The following TENT4A variants were observed in gnomAD, a reference collection of about 807,000 sequenced individuals.
TENT4A encodes terminal nucleotidyltransferase 4A.
TENT4A carries 7 observed loss-of-function variants against 72.8 expected under a neutral mutation model. That is an observed-to-expected ratio of 0.10 (90% confidence interval 0.05 to 0.18). The LOEUF (loss-of-function observed/expected upper bound fraction) is 0.18. Among genes scored for constraint, TENT4A ranks in the 10% least tolerant of loss-of-function variants. TENT4A has a pLI of 1.00. For synonymous variants in TENT4A, 456 were observed against 434.3 expected, an observed-to-expected ratio of 1.05 and a Z score of -0.62; for missense variants, 831 against 1,017.7, an observed-to-expected ratio of 0.82 and a Z score of 2.50.
At chr5:6,732,735 T>TA (rs966040365) in intron 1 of TENT4A, among the ~76,000 whole-genome samples, 19 of 152,090 alleles carry the variant, frequency 1.2e-4, no homozygotes, top group Admixed American at 3.3e-4. Context: ...AAAAATTCAC[T>TA]AAAAAAAACC....
At chr5:6,741,787 C>G (rs1561039479) in intron 4 of TENT4A, among the ~76,000 whole-genome samples, 1 of 152,198 alleles carries the variant, frequency 6.6e-6, no homozygotes, top group African/African-American at 2.4e-5. Flanking sequence ...TCGTTAGACA[C>G]TGATTGTTTT....
At chr5:6,719,358 G>A (rs1209471946) in intron 1 of TENT4A, among the ~76,000 whole-genome samples, 1 of 151,870 alleles carries the variant, frequency 6.6e-6, no homozygotes, top group Non-Finnish European at 1.5e-5. Context: ...TGGAGTAAAG[G>A]TTAAGAAAAA....
At chr5:6,750,550 T>G (rs760495827) in intron 10 of TENT4A, 47 bp downstream of exon 10, 1 of 1,476,900 alleles carries the variant, frequency 6.8e-7, no homozygotes, top group Non-Finnish European at 9.1e-7. Flanking sequence ...AGTTTGTGTC[T>G]CTGGTAAATG....
At position 6,749,511 on chromosome 5, in the gene TENT4A, T is replaced by C. The variant is rs778583739; in HGVS notation, c.1587-46T>C. 4 of 1,295,472 alleles carry C rather than the reference T, an allele frequency of 3.1e-6. No individual in the cohort carries two copies. In the South Asian group the frequency reaches 4.8e-5, roughly 15 times the overall value. 80.2% of individuals were successfully genotyped at this position (1,295,472 alleles called of 1,614,324 possible). On this transcript the variant is annotated intron_variant, in intron 8 of 12. Transcript: ENST00000230859. Reference sequence around the variant, plus strand: ...TGTTCGAGAGGGGTTCTCAGCTCCCTGACACCTGTTGTACTCTGTTGATCT... The same window carrying C: ...TGTTCGAGAGGGGTTCTCAGCTCCCCGACACCTGTTGTACTCTGTTGATCT...
chr5:6,716,928 C>A (rs1740415693), intron 1 of TENT4A, among the ~76,000 whole-genome samples: 1 of 152,230 alleles, frequency 6.6e-6, no homozygotes. Context: ...GCATCCGCTT[C>A]CTGCCGTCTC....
chr5:6,748,435 G>GTGCAAAA, intron 7 of TENT4A, 29 bp from the exon 8 acceptor site: 2 of 1,612,276 alleles, frequency 1.2e-6, no homozygotes, highest in Non-Finnish European at 1.7e-6. Context: ...TGCATGTGGG[G>GTGCAAAA]AGGGTCTGAC....
Position 6,713,505 on chromosome 5 carries a change from A to T in TENT4A, c.-479A>T, listed in dbSNP as rs1201599245. 1 of 141,654 alleles carries T rather than the reference A, an allele frequency of 7.1e-6. No individual in the cohort carries two copies. Among genetic ancestry groups the T allele is most frequent in the Non-Finnish European group, 1.5e-5 (1 of 65,184 alleles). The allele number at this position is 141,654 out of a possible 1,614,324, so 8.8% of individuals were successfully genotyped here. ...GCCGCCGCCGCAGGAGCGCCGAGCC[A>T]GCGGCGCGAGCGTGACTGAGGGCTA... is the stretch of plus-strand genomic sequence containing the variant. On this transcript the variant is annotated 5_prime_UTR_variant, in exon 1 of 13. Transcript: ENST00000230859.
intron 12 of TENT4A, 136 bp downstream of exon 12, chr5:6,753,173 G>A: frequency 1.2e-6 from 1 of 839,772 alleles, no homozygotes; most frequent in African/African-American, 1.7e-5. Context: ...CATTCAGCCT[G>A]TTTGCTTGTC....
In TENT4A at chr5:6,748,453, T is replaced by A. The variant is rs1444980880; in HGVS notation, c.1460-11T>A. The stretch of plus-strand genomic sequence containing the variant: ...ATGTGGGGAGGGTCTGACATAGCCT[T>A]TTTGCTGCAGGGAATGACGTTGGCC... On this transcript the variant is annotated splice_polypyrimidine_tract_variant and intron_variant, in intron 7 of 12. Coordinates refer to ENST00000230859, the MANE Select transcript of TENT4A (RefSeq NM_006999.6). 1.9e-6 allele frequency: 3 copies of A among 1,613,860 alleles called. No homozygotes were observed. Among genetic ancestry groups the A allele is most frequent in the Non-Finnish European group, 1.7e-6 (2 of 1,179,810 alleles).
At chr5:6,732,414 C>T (rs986525862) in intron 1 of TENT4A, among the ~76,000 whole-genome samples, 2 of 152,174 alleles carry the variant, frequency 1.3e-5, no homozygotes, top group African/African-American at 4.8e-5. Context: ...ACTGTAGGAT[C>T]CTTCTTTTGC....
chr5:6,724,120 A>T (rs998164878), intron 1 of TENT4A, among the ~76,000 whole-genome samples: 3 of 152,242 alleles, frequency 2.0e-5, no homozygotes, highest in African/African-American at 7.2e-5. Context: ...AAGTGATTCA[A>T]GCGTCTTGCC....
intron 1 of TENT4A, among the ~76,000 whole-genome samples, chr5:6,721,028 T>A (rs908842741): frequency 2.0e-5 from 3 of 152,216 alleles, no homozygotes; most frequent in Admixed American, 2.0e-4. Flanking sequence ...TCCCACACGG[T>A]TCTTCCCTCT....
intron 1 of TENT4A, among the ~76,000 whole-genome samples, chr5:6,725,432 T>G (rs1740869401): frequency 6.6e-6 from 1 of 152,230 alleles, no homozygotes; most frequent in Non-Finnish European, 1.5e-5. Flanking sequence ...TCCACATGAT[T>G]CAGAGACTCC....
intron 6 of TENT4A, among the ~76,000 whole-genome samples, chr5:6,745,572 G>A (rs547332348): frequency 6.6e-6 from 1 of 152,276 alleles, no homozygotes; most frequent in East Asian, 1.9e-4. Flanking sequence ...ATGCAGGTCT[G>A]GACAGCTGAG....
rs28381397 is a variant in TENT4A at position 6,747,033 on chromosome 5, C to T, written c.1459+606C>T. 3.6e-3 allele frequency among the ~76,000 whole-genome samples: 553 copies of T among 152,308 alleles called. 22 individuals carry two copies. In the East Asian group the frequency reaches 0.085, roughly 23 times the overall value. On this transcript the variant is annotated intron_variant, in intron 7 of 12. Coordinates refer to ENST00000230859, the MANE Select transcript of TENT4A (RefSeq NM_006999.6). Reference sequence around the variant, plus strand: ...ATGTCCTCATTCCTTTGGTGACAGTCTTTTAAAATCTTTGCCAATCTGATA... The same window carrying T: ...ATGTCCTCATTCCTTTGGTGACAGTTTTTTAAAATCTTTGCCAATCTGATA...
intron 1 of TENT4A, among the ~76,000 whole-genome samples, chr5:6,725,372 G>A (rs1161893680): frequency 1.3e-5 from 2 of 152,178 alleles, no homozygotes; most frequent in Non-Finnish European, 2.9e-5. Flanking sequence ...GAGAAGTGAT[G>A]TCTGTCTTCT....
At chr5:6,716,291 C>T (rs1375223969) in intron 1 of TENT4A, among the ~76,000 whole-genome samples, 1 of 152,172 alleles carries the variant, frequency 6.6e-6, no homozygotes, top group Non-Finnish European at 1.5e-5. Flanking sequence ...GAGACACAGT[C>T]TCATGATCTT....
chr5:6,728,724 C>A (rs1015172862), intron 1 of TENT4A, among the ~76,000 whole-genome samples: 2 of 152,206 alleles, frequency 1.3e-5, no homozygotes, highest in Non-Finnish European at 1.5e-5. Context: ...TGGGGGATAC[C>A]AGATTCTTAC....
chr5:6,755,100 G>T lies in TENT4A; in HGVS notation c.*155G>T. The T allele has an allele frequency of 1.8e-6, 1 of 564,730 alleles. No individual in the cohort carries two copies. Among genetic ancestry groups the T allele is most frequent in the Non-Finnish European group, 3.0e-6 (1 of 335,170 alleles). The allele number at this position is 564,730 out of a possible 1,614,324, so 35.0% of individuals were successfully genotyped here. On this transcript the variant is annotated 3_prime_UTR_variant, in exon 13 of 13. Transcript: ENST00000230859. The stretch of plus-strand genomic sequence containing the variant: ...CTGCATGTTTCTTCGTGTGGTGGTC[G>T]CGTCCATCTTCAAGAACAGCTCGTT...
Sources: gnomAD v4.1 joint callset for allele counts (sites outside exome capture counted in the v4.1 genomes callset) on GRCh38, gnomAD v4.1.1 for gene constraint, MANE v1.5 for transcripts, NCBI Gene and HGNC (gene_info 2026-07-23, HGNC 2026-07-21) for gene names.